The following RSRC1 variants were observed in gnomAD, a reference collection of about 807,000 sequenced individuals.
The protein encoded by RSRC1 is serine/Arginine-related protein 53.
In RSRC1, 39 loss-of-function variants were observed where a neutral mutation model predicts 49.1. That is an observed-to-expected ratio of 0.79 (90% CI 0.61 to 1.04). The LOEUF is 1.04. Among genes scored for constraint, RSRC1 ranks in the 50% least tolerant of loss-of-function variants. The pLI, the probability that RSRC1 is intolerant of heterozygous loss-of-function variation, is 0.00. For synonymous variants in RSRC1, 143 were observed against 130.8 expected, an observed-to-expected ratio of 1.09 and a Z score of -0.63; for missense variants, 388 against 402.4, an observed-to-expected ratio of 0.96 and a Z score of 0.31.
At chr3:158,377,478 T>TA (rs935776503) in intron 6 of RSRC1, among the ~76,000 whole-genome samples, 1 of 152,088 alleles carries the variant, frequency 6.6e-6, no homozygotes, top group African/African-American at 2.4e-5. Flanking sequence ...TTTGGTTGTT[T>TA]AAAAGAGTGT....
intron 7 of RSRC1, among the ~76,000 whole-genome samples, chr3:158,463,611 C>A (rs1466069255): frequency 6.6e-6 from 1 of 152,138 alleles, no homozygotes; most frequent in Non-Finnish European, 1.5e-5. Flanking sequence ...GTCTACCCAG[C>A]TCCCTTTATC....
At chr3:158,146,899 T>C (rs1047271604) in intron 3 of RSRC1, among the ~76,000 whole-genome samples, 1 of 152,098 alleles carries the variant, frequency 6.6e-6, no homozygotes, top group African/African-American at 2.4e-5. Flanking sequence ...GAAATAGAAA[T>C]ATTTCTAGCT....
chr3:158,445,126 C>A (rs1219244691), intron 6 of RSRC1, among the ~76,000 whole-genome samples: 4 of 152,132 alleles, frequency 2.6e-5, no homozygotes. Flanking sequence ...ACTAGAAATA[C>A]CATTTGACCC....
intron 7 of RSRC1, among the ~76,000 whole-genome samples, chr3:158,515,730 G>A (rs1359040080): frequency 3.4e-5 from 5 of 148,380 alleles, no homozygotes; most frequent in Non-Finnish European, 7.5e-5. Context: ...TCACTTTCAG[G>A]TACACCAATC....
intron 6 of RSRC1, among the ~76,000 whole-genome samples, chr3:158,359,553 C>G (rs954435609): frequency 5.3e-5 from 8 of 152,080 alleles, no homozygotes; most frequent in African/African-American, 1.9e-4. Context: ...TGCAGCTGGT[C>G]CGGGCACACT....
chr3:158,328,384 C>A lies in RSRC1; in HGVS notation c.532-26473C>A, dbSNP rs577992621. On this transcript the variant is annotated intron_variant, in intron 5 of 9. Coordinates refer to ENST00000611884, the MANE Select transcript of RSRC1 (RefSeq NM_001271838.2). ...AGTGGCTGGTACCGGTAGTTTCTTT[C>A]CATGTTTAGTGCTTCCTTCAGGAGC... Among the ~76,000 whole-genome samples, 7 of 152,172 alleles carry A rather than the reference C, an allele frequency of 4.6e-5. No individual in the cohort carries two copies. In the South Asian group the frequency reaches 8.3e-4, roughly 18 times the overall value.
intron 6 of RSRC1, among the ~76,000 whole-genome samples, chr3:158,364,816 A>AAAGAATAATAAT (rs1731669258): frequency 6.9e-6 from 1 of 144,210 alleles, no homozygotes; most frequent in African/African-American, 2.5e-5. Flanking sequence ...AGAATGGGAA[A>AAAGAATAATAAT]AATAATAATA....
chr3:158,132,848 G>A (rs2108182613), intron 3 of RSRC1, among the ~76,000 whole-genome samples: 1 of 152,272 alleles, frequency 6.6e-6, no homozygotes, highest in African/African-American at 2.4e-5. Flanking sequence ...TCCATGAACA[G>A]GAATAAATCT....
intron 5 of RSRC1, among the ~76,000 whole-genome samples, chr3:158,341,341 G>GCCAGGT (rs965821036): frequency 1.3e-5 from 2 of 152,082 alleles, no homozygotes; most frequent in African/African-American, 4.8e-5. Flanking sequence ...GGTTTCGTGG[G>GCCAGGT]CCAGGTCCAG....
rs1455563799 is a variant in RSRC1 at position 158,281,577 on chromosome 3, A to T, written c.495-16462A>T. Among the ~76,000 whole-genome samples, 7 of 152,108 alleles carry T rather than the reference A, an allele frequency of 4.6e-5. No individual in the cohort carries two copies. In the South Asian group the frequency reaches 6.2e-4, roughly 14 times the overall value. ...GGAACTACAAGAGACTTGAAGAGCC[A>T]TTTTTTTGAGAAAATGTAGAAAACC... On this transcript the variant is annotated intron_variant, in intron 4 of 9. Coordinates refer to ENST00000611884, the MANE Select transcript of RSRC1 (RefSeq NM_001271838.2).
intron 3 of RSRC1, among the ~76,000 whole-genome samples, chr3:158,188,869 T>A (rs1010366188): frequency 6.6e-6 from 1 of 151,956 alleles, no homozygotes; most frequent in African/African-American, 2.4e-5. Context: ...CTTTTGAGTT[T>A]ACTCTTCTGC....
At chr3:158,234,932 A>G (rs1723159295) in intron 4 of RSRC1, among the ~76,000 whole-genome samples, 1 of 152,112 alleles carries the variant, frequency 6.6e-6, no homozygotes, top group African/African-American at 2.4e-5. Flanking sequence ...AACCTCTGTT[A>G]TAGAACCAAT....
intron 4 of RSRC1, among the ~76,000 whole-genome samples, chr3:158,212,909 G>A (rs1172204464): frequency 3.9e-5 from 6 of 151,922 alleles, no homozygotes; most frequent in African/African-American, 1.4e-4. Context: ...GAAGCAGTCT[G>A]CTGTGTATTT....
At chr3:158,376,932 G>A (rs1024173273) in intron 6 of RSRC1, among the ~76,000 whole-genome samples, 4 of 152,148 alleles carry the variant, frequency 2.6e-5, no homozygotes, top group African/African-American at 9.7e-5. Context: ...TGAAGGGAAT[G>A]TATATTCTAC....
chr3:158,261,213 T>G (rs888474574), intron 4 of RSRC1, among the ~76,000 whole-genome samples: 2 of 152,238 alleles, frequency 1.3e-5, no homozygotes, highest in African/African-American at 2.4e-5. Context: ...TTGTGCCATA[T>G]TACAATTCTG....
intron 6 of RSRC1, among the ~76,000 whole-genome samples, chr3:158,423,878 G>A (rs1240312025): frequency 2.0e-5 from 3 of 151,290 alleles, no homozygotes; most frequent in African/African-American, 7.3e-5. Flanking sequence ...CTCTCTGTCT[G>A]TTATTGGTGT....
chr3:158,123,790 G>A, intron 2 of RSRC1, 76 bp from the exon 3 acceptor site: 4 of 1,345,236 alleles, frequency 3.0e-6, no homozygotes, highest in Non-Finnish European at 4.1e-6. Context: ...TGATTCTTTA[G>A]AATCTAGAAG....
chr3:158,195,905 G>A (rs1720575560), intron 3 of RSRC1, among the ~76,000 whole-genome samples: 1 of 151,950 alleles, frequency 6.6e-6, no homozygotes, highest in African/African-American at 2.4e-5. Context: ...CTGTAGCCTT[G>A]TAGTATAGTT....
chr3:158,198,117 T>C (rs934604832), intron 3 of RSRC1, among the ~76,000 whole-genome samples: 7 of 152,074 alleles, frequency 4.6e-5, no homozygotes, highest in Admixed American at 1.3e-4. Context: ...TATTAATGTG[T>C]GGGAGTCTAA....
Sources: allele counts gnomAD v4.1 joint callset (sites outside exome capture counted in the v4.1 genomes callset), GRCh38; gene constraint gnomAD v4.1.1; transcripts MANE v1.5; gene names NCBI Gene and HGNC (gene_info 2026-07-23, HGNC 2026-07-21).